The following SYNE2 variants were observed in gnomAD, a reference collection of about 807,000 sequenced individuals.
The protein encoded by SYNE2 is nesprin-2.
Under a neutral mutation model 856.3 loss-of-function variants are expected in SYNE2, and 431 were observed. The ratio of observed to expected loss-of-function variants is 0.50; its 90% CI spans 0.47 to 0.55. The LOEUF is 0.55. SYNE2 is among the 20% of genes least tolerant of loss of function. The pLI, the probability that SYNE2 is intolerant of heterozygous loss-of-function variation, is 0.00. For synonymous variants in SYNE2, 2,923 were observed against 2,872.3 expected, an observed-to-expected ratio of 1.02 and a Z score of -0.56; for missense variants, 8,129 against 8,023.2, an observed-to-expected ratio of 1.01 and a Z score of -0.50.
intron 94 of SYNE2, among the ~76,000 whole-genome samples, chr14:64,174,529 T>C (rs2098424941): frequency 6.6e-6 from 1 of 152,280 alleles, no homozygotes; most frequent in African/African-American, 2.4e-5. Context: ...TTTTACCCTT[T>C]CTCGCGTTCT....
chr14:63,809,224 TAA>T (rs879683923), intron 1 of SYNE2, among the ~76,000 whole-genome samples: 2 of 146,100 alleles, frequency 1.4e-5, no homozygotes, highest in Admixed American at 6.9e-5. Flanking sequence ...GTTCTACGTT[TAA>T]AAAAAAAAAA....
chr14:63,945,816 G>T (rs940173595), intron 6 of SYNE2, among the ~76,000 whole-genome samples: 2 of 152,090 alleles, frequency 1.3e-5, no homozygotes. Context: ...TAGAGATGGG[G>T]TTTCACAGTG....
At chr14:64,031,996 A>G (rs890457981) in intron 45 of SYNE2, among the ~76,000 whole-genome samples, 2 of 152,144 alleles carry the variant, frequency 1.3e-5, no homozygotes, top group Non-Finnish European at 2.9e-5. Context: ...TGTATTTGAG[A>G]GGATCTCCCT....
At chr14:64,152,737 T>C in intron 85 of SYNE2, 21 bp downstream of exon 85, 1 of 1,613,874 alleles carries the variant, frequency 6.2e-7, no homozygotes, top group Non-Finnish European at 8.5e-7. Flanking sequence ...TCATTTGAAA[T>C]GTGCTATTTC....
chr14:64,046,335 A>G (rs1458132017), intron 45 of SYNE2, among the ~76,000 whole-genome samples: 1 of 152,192 alleles, frequency 6.6e-6, no homozygotes, highest in Non-Finnish European at 1.5e-5. Context: ...TTGGCTTAAG[A>G]CATAATTTAT....
At chr14:64,156,891 G>T (rs2098290922) in intron 85 of SYNE2, among the ~76,000 whole-genome samples, 1 of 152,198 alleles carries the variant, frequency 6.6e-6, no homozygotes, top group Admixed American at 6.5e-5. Flanking sequence ...TTTTTATCCA[G>T]CCCTGTTTGG....
At chr14:63,908,177 T>G (rs1354943067) in intron 1 of SYNE2, among the ~76,000 whole-genome samples, 1 of 152,158 alleles carries the variant, frequency 6.6e-6, no homozygotes, top group African/African-American at 2.4e-5. Flanking sequence ...CATTTTATTA[T>G]GCAAAATTTC....
Position 64,225,308 on chromosome 14 carries a change from T to A in SYNE2, c.20517-11T>A. 6.2e-7 allele frequency: 1 copy of A among 1,614,066 alleles called. No homozygotes were observed. The highest frequency in any genetic ancestry group is 8.5e-7 in the Non-Finnish European group (1 of 1,180,010). On this transcript the variant is annotated splice_polypyrimidine_tract_variant and intron_variant, in intron 115 of 115. Coordinates refer to ENST00000555002, the MANE Select transcript of SYNE2 (RefSeq NM_182914.3). ...GCCTCCCAATCAGCTCTCAACCTCC[T>A]CTGTTGGCAGGGTCCCCGGCAGCAC... is the stretch of plus-strand genomic sequence containing the variant.
rs775856282 is a variant in SYNE2 at position 64,223,230 on chromosome 14, C to T, written c.20232C>T (p.Asp6744=). Residue 6744 remains aspartate, a synonymous_variant, in exon 113 of 116, where the codon GAC becomes GAT. Coordinates refer to ENST00000555002, the MANE Select transcript of SYNE2 (RefSeq NM_182914.3). ...TGGTAGAACGTCAACCTCAAGTGGA[C>T]ATGTTACAGGAGATTTCAAACAGCC... is the stretch of plus-strand genomic sequence containing the variant. ...KELVERQPQV[D]MLQEISNSLL... 1 of 1,614,038 alleles carries T rather than the reference C, an allele frequency of 6.2e-7. No individual in the cohort carries two copies.
At chr14:64,098,193 A>G (rs761284853) in intron 62 of SYNE2, 47 bp downstream of exon 62, 2 of 1,595,006 alleles carry the variant, frequency 1.3e-6, no homozygotes, top group Non-Finnish European at 8.6e-7. Flanking sequence ...CCACAAGAGC[A>G]TTAATGGGTA....
At chr14:63,979,926 AG>A (rs201121632) in intron 14 of SYNE2, among the ~76,000 whole-genome samples, 1 of 151,870 alleles carries the variant, frequency 6.6e-6, no homozygotes, top group African/African-American at 2.4e-5. Context: ...AATAGAAATG[AG>A]GGGGGGAAGG....
chr14:64,109,535 CT>C (rs1461648913), intron 65 of SYNE2, among the ~76,000 whole-genome samples: 1 of 152,114 alleles, frequency 6.6e-6, no homozygotes, highest in African/African-American at 2.4e-5. Context: ...AAAACCTGAG[CT>C]TTGAACTATT....
At chr14:63,811,773 T>A (rs1888624723) in intron 1 of SYNE2, among the ~76,000 whole-genome samples, 1 of 152,050 alleles carries the variant, frequency 6.6e-6, no homozygotes, top group Non-Finnish European at 1.5e-5. Flanking sequence ...AATGCCCCCC[T>A]GAGCCACAAA....
chr14:63,974,892 G>GTGTGTA (rs1375697679), intron 11 of SYNE2, among the ~76,000 whole-genome samples: 7 of 67,328 alleles, frequency 1.0e-4, no homozygotes, highest in East Asian at 4.6e-4. Flanking sequence ...GTGTGTGTGT[G>GTGTGTA]TATATATATA....
At chr14:64,205,936 C>T (rs1336666222) in intron 100 of SYNE2, among the ~76,000 whole-genome samples, 3 of 152,270 alleles carry the variant, frequency 2.0e-5, no homozygotes, top group South Asian at 4.2e-4. Flanking sequence ...CCTCAAACCC[C>T]CTGAACCATC....
At chr14:63,850,944 G>T (rs902708074), upstream of SYNE2, among the ~76,000 whole-genome samples, 1 of 152,158 alleles carries the variant, frequency 6.6e-6, no homozygotes, top group South Asian at 2.1e-4. Context: ...GAATAGAACC[G>T]AGAAGAGAAA....
At chr14:63,807,564 C>A (rs768505188) in intron 1 of SYNE2, among the ~76,000 whole-genome samples, 71 of 151,548 alleles carry the variant, frequency 4.7e-4, no homozygotes, top group Admixed American at 1.2e-3. Flanking sequence ...ATTAATAGTA[C>A]ACTTGTATAA....
In SYNE2 at chr14:64,089,553, T is replaced by C. The variant is rs72720312; in HGVS notation, c.11671-21T>C. ...TAATATACAATATATATTGCATCAGTGTGTTCTTCTGAAATTCTAGGATGT... is the reference window on the plus strand; with the variant it reads ...TAATATACAATATATATTGCATCAGCGTGTTCTTCTGAAATTCTAGGATGT... On this transcript the variant is annotated intron_variant, in intron 58 of 115. Coordinates refer to ENST00000555002, the MANE Select transcript of SYNE2 (RefSeq NM_182914.3). The C allele has an allele frequency of 0.06, 96,642 of 1,600,910 alleles. 3,570 individuals are homozygous for C. The highest frequency in any genetic ancestry group is 0.16 in the African/African-American group (12,116 of 74,504).
chr14:64,222,805 C>A (rs189334144), intron 112 of SYNE2, among the ~76,000 whole-genome samples: 1 of 152,146 alleles, frequency 6.6e-6, no homozygotes, highest in Non-Finnish European at 1.5e-5. Context: ...CAATTAAAGC[C>A]CGTTTGCCTG....
Sources: allele counts gnomAD v4.1 joint callset (sites outside exome capture counted in the v4.1 genomes callset), GRCh38; gene constraint gnomAD v4.1.1; transcripts MANE v1.5; gene names NCBI Gene and HGNC (gene_info 2026-07-23, HGNC 2026-07-21).